Variants in NOTCH3 observed in about 807,000 individuals in gnomAD.
NOTCH3 encodes notch receptor 3.
Under a neutral mutation model 213.3 loss-of-function variants are expected in NOTCH3, and 86 were observed. The ratio of observed to expected loss-of-function variants is 0.40; its 90% CI spans 0.34 to 0.48. The LOEUF (loss-of-function observed/expected upper bound fraction) is 0.48. NOTCH3 is among the 20% of genes least tolerant of loss of function. The probability of loss-of-function intolerance (pLI) is 0.57; values close to 1 mark genes in which losing one functional copy is unlikely to be tolerated. For missense variants in NOTCH3, 2,783 were observed against 3,272.6 expected (o/e 0.85, Z 3.65); for synonymous variants, 1,354 against 1,355.9 (o/e 1.00, Z 0.03).
At chr19:15,195,636 C>G (rs946275639) in intron 2 of NOTCH3, among the ~76,000 whole-genome samples, 1 of 150,252 alleles carries the variant, frequency 6.7e-6, no homozygotes, top group South Asian at 2.2e-4. Context: ...AGCAAGGGTG[C>G]GGGTGGCGTT....
chr19:15,173,160 G>A (rs1383680273), intron 25 of NOTCH3, among the ~76,000 whole-genome samples: 2 of 128,420 alleles, frequency 1.6e-5, no homozygotes, highest in African/African-American at 2.8e-5. Flanking sequence ...GGTGGCTCAC[G>A]CCTGTAATCC....
rs1204781694 is a variant in NOTCH3, at chr19:15,174,172, G to A, written c.4632C>T (p.Arg1544=). The stretch of plus-strand genomic sequence containing the variant: ...CCTGGCCGTGCGCGTCCAGGCGGAA[G>A]CGCAGCGAGGTGCGCAGGATGGCGC... ...RLSAILRTSL[R]FRLDAHGQAM... Residue 1544 remains arginine, a synonymous_variant, in exon 25 of 33, where the codon CGC becomes CGT. Coordinates refer to ENST00000263388, the MANE Select transcript of NOTCH3 (RefSeq NM_000435.3). The A allele has an allele frequency of 6.2e-7, 1 of 1,609,580 alleles. No individual in the cohort carries two copies. The highest frequency in any genetic ancestry group is 2.2e-5 in the East Asian group (1 of 44,870).
At chr19:15,181,887 T>A in intron 16 of NOTCH3, 86 bp from the exon 17 acceptor site, 1 of 1,193,534 alleles carries the variant, frequency 8.4e-7, no homozygotes, top group Non-Finnish European at 1.2e-6. Flanking sequence ...TTGAGAAGAA[T>A]TCAGGAGGAA....
At chr19:15,189,856 G>T (rs954525459) in intron 6 of NOTCH3, among the ~76,000 whole-genome samples, 2 of 152,160 alleles carry the variant, frequency 1.3e-5, no homozygotes, top group African/African-American at 2.4e-5. Context: ...TTTAGTAGCT[G>T]CTTTTTTAAT....
chr19:15,176,762 TAAAAAAAAA>T (rs61399527), intron 24 of NOTCH3, among the ~76,000 whole-genome samples: 6 of 55,622 alleles, frequency 1.1e-4, no homozygotes, highest in African/African-American at 9.1e-5. Flanking sequence ...GACCCTGTCT[TAAAAAAAAA>T]AAAAAAAAAA....
chr19:15,167,181 G>T, intron 29 of NOTCH3, 68 bp downstream of exon 29: 1 of 1,541,810 alleles, frequency 6.5e-7, no homozygotes, highest in Non-Finnish European at 8.9e-7. Context: ...AAAACACAGA[G>T]TCAGAAATAA....
At chr19:15,184,758 C>T in intron 15 of NOTCH3, 148 bp downstream of exon 15, 1 of 622,396 alleles carries the variant, frequency 1.6e-6, no homozygotes, top group Non-Finnish European at 2.9e-6. Flanking sequence ...GGCTGCATAT[C>T]AGTGTCCAGC....
Position 15,187,208 on chromosome 19 carries a change from G to T in NOTCH3, c.1737C>A (p.Cys579Ter). 1 of 1,614,042 alleles carries T rather than the reference G, an allele frequency of 6.2e-7. No homozygotes were observed. The highest frequency in any genetic ancestry group is 8.5e-7 in the Non-Finnish European group (1 of 1,180,032). The change falls in exon 11 of 33, where the codon TGC becomes TGA. Residue 579 changes from cysteine to a stop codon, truncating the protein, a stop_gained. Coordinates refer to ENST00000263388, the MANE Select transcript of NOTCH3 (RefSeq NM_000435.3). LOFTEE classifies it high-confidence loss of function. The stretch of plus-strand genomic sequence containing the variant: ...TGCGGCATTCGTCCACCTGGCTCTC[G>T]CAGCGTGTGCCCGTGTAGCCAGGAG... ...ACAPGYTGTR[C>*]ESQVDECRSQ... is the part of the protein sequence containing the mutation.
intron 29 of NOTCH3, 86 bp from the exon 30 acceptor site, chr19:15,166,177 A>C: frequency 9.5e-6 from 11 of 1,157,342 alleles, no homozygotes; most frequent in East Asian, 2.4e-5. Context: ...TTAGGAGCTA[A>C]TGGGACACAT....
chr19:15,187,053 A>G, intron 11 of NOTCH3, 52 bp downstream of exon 11: 1 of 1,605,976 alleles, frequency 6.2e-7, no homozygotes. Flanking sequence ...CCATTCCCAA[A>G]CCCTCTGTGC....
At position 15,160,607 on chromosome 19, in the gene NOTCH3, G is replaced by T; in HGVS notation, c.*55C>A. ...AGGAAGGAAGAGACAGAGAAAGAAA[G>T]GAGGCAGGACGGGGGTCTCTTTAGG... On this transcript the variant is annotated 3_prime_UTR_variant, in exon 33 of 33. Coordinates refer to ENST00000263388, the MANE Select transcript of NOTCH3 (RefSeq NM_000435.3). The T allele has an allele frequency of 7.7e-7, 1 of 1,291,010 alleles. No individual in the cohort carries two copies. The highest frequency in any genetic ancestry group is 1.2e-5 in the South Asian group (1 of 84,460). 80.0% of individuals were successfully genotyped at this position (1,291,010 alleles called of 1,614,324 possible).
At position 15,185,716 on chromosome 19, in the gene NOTCH3, G is replaced by C. The variant is rs750577565; in HGVS notation, c.1952-37C>G. The C allele has an allele frequency of 6.2e-7, 1 of 1,607,222 alleles. No homozygotes were observed. The highest frequency in any genetic ancestry group is 8.5e-7 in the Non-Finnish European group (1 of 1,176,872). ...ACAAGCAATCTCATCTCAGAACAAA[G>C]TCAGCAGGGACAACCAGGGAGGGAC... is the stretch of plus-strand genomic sequence containing the variant. On this transcript the variant is annotated intron_variant, in intron 12 of 32. Coordinates refer to ENST00000263388, the MANE Select transcript of NOTCH3 (RefSeq NM_000435.3). This position sits in a 1 kb window ranked among gnomAD's most constrained non-coding sequence, Gnocchi z 4.2.
At chr19:15,194,188 G>A (rs1424993614) in intron 2 of NOTCH3, among the ~76,000 whole-genome samples, 1 of 152,174 alleles carries the variant, frequency 6.6e-6, no homozygotes, top group Non-Finnish European at 1.5e-5. Context: ...GTTGAAGGCT[G>A]CAGTGAACTA....
Position 15,185,823 on chromosome 19 carries a change from C to A in NOTCH3, c.1952-144G>T, listed in dbSNP as rs767448219. The A allele has an allele frequency of 1.3e-6, 1 of 781,670 alleles. No individual in the cohort carries two copies. The allele number at this position is 781,670 out of a possible 1,614,324, so 48.4% of individuals were successfully genotyped here. ...GCATCAGCTCTTGTGCAGATTAGGACACCCGCCTCCTCAACCAAGAGCTGA... is the reference window on the plus strand; with the variant it reads ...GCATCAGCTCTTGTGCAGATTAGGAAACCCGCCTCCTCAACCAAGAGCTGA... On this transcript the variant is annotated intron_variant, in intron 12 of 32. Transcript: ENST00000263388. The surrounding 1 kb of genome is among the most constrained non-coding windows in gnomAD (Gnocchi z 4.2).
In NOTCH3 at chr19:15,160,516, C is replaced by T. The variant is rs1417394229; in HGVS notation, c.*146G>A. On this transcript the variant is annotated 3_prime_UTR_variant, in exon 33 of 33. Coordinates refer to ENST00000263388, the MANE Select transcript of NOTCH3 (RefSeq NM_000435.3). ...GAAGCCCTGGGCTGATGACCTATCT[C>T]GGTCACGCTGCAAGGCAAGGATGCA... 3.7e-5 allele frequency: 29 copies of T among 774,784 alleles called. 1 individual carries two copies. Among genetic ancestry groups the T allele is most frequent in the Admixed American group, 5.6e-5 (3 of 53,992 alleles). 48.0% of individuals were successfully genotyped at this position (774,784 alleles called of 1,614,324 possible).
At chr19:15,163,746 A>G (rs2046663399) in intron 31 of NOTCH3, among the ~76,000 whole-genome samples, 2 of 152,226 alleles carry the variant, frequency 1.3e-5, no homozygotes, top group Admixed American at 1.3e-4. Flanking sequence ...TGGGAGGATC[A>G]CTTGAGCCTG....
In NOTCH3 at chr19:15,185,006, T is replaced by C. The variant is rs2145428860; in HGVS notation, c.2310A>G (p.Glu770=). The part of the protein sequence containing the change: ...CPPGVQGRQC[E]LLSPCTPNPC... The stretch of plus-strand genomic sequence containing the variant: ...GGTTCGGGGTGCAGGGGGAGAGGAG[T>C]TCACACTGACGTCCTGTTGGGGGTG... The change falls in exon 15 of 33, where the codon GAA becomes GAG. Residue 770 remains glutamate, a synonymous_variant. Transcript: ENST00000263388. The surrounding 1 kb of genome is among the most constrained non-coding windows in gnomAD (Gnocchi z 4.2). The C allele has an allele frequency of 4.0e-6, 6 of 1,508,454 alleles. 1 individual carries two copies. Among genetic ancestry groups the C allele is most frequent in the Non-Finnish European group, 5.4e-6 (6 of 1,117,338 alleles). 93.4% of individuals were successfully genotyped at this position (1,508,454 alleles called of 1,614,324 possible). A position where few individuals can be genotyped will look rare whatever the true frequency, so the allele number is the denominator to read the frequency against.
At chr19:15,184,731 A>G (rs987595017) in intron 15 of NOTCH3, among the ~76,000 whole-genome samples, 175 bp downstream of exon 15, 1 of 152,124 alleles carries the variant, frequency 6.6e-6, no homozygotes, top group Non-Finnish European at 1.5e-5. Context: ...TTCCTCTTCC[A>G]AGGGCTGACC....
intron 16 of NOTCH3, 133 bp downstream of exon 16, chr19:15,184,162 G>T: frequency 2.2e-6 from 2 of 913,774 alleles, no homozygotes. Flanking sequence ...TCGGGCCTCA[G>T]TTTCCATATA....
Sources: allele counts gnomAD v4.1 joint callset (sites outside exome capture counted in the v4.1 genomes callset), GRCh38; gene constraint gnomAD v4.1.1; non-coding constraint Gnocchi (gnomAD v3.1); transcripts MANE v1.5; gene names NCBI Gene and HGNC (gene_info 2026-07-23, HGNC 2026-07-21).